The following VPS45 variants were observed in gnomAD, a reference collection of about 807,000 sequenced individuals.
The protein encoded by VPS45 is vacuolar protein sorting-associated protein 45.
VPS45 carries 35 observed loss-of-function variants against 75.9 expected under a neutral mutation model. The ratio of observed to expected loss-of-function variants is 0.46; its 90% CI spans 0.35 to 0.61. The LOEUF (loss-of-function observed/expected upper bound fraction) is 0.61, where lower values mean the gene tolerates loss of function less well. Among genes scored for constraint, VPS45 ranks in the 20% least tolerant of loss-of-function variants. The pLI, the probability that VPS45 is intolerant of heterozygous loss-of-function variation, is 0.00. For synonymous variants in VPS45, 220 were observed against 238.2 expected, an observed-to-expected ratio of 0.92 and a Z score of 0.70; for missense variants, 559 against 685.9, an observed-to-expected ratio of 0.81 and a Z score of 2.07.
Position 150,144,742 on chromosome 1 carries a change from C to T in VPS45, c.1659C>T (p.His553=). Residue 553 remains histidine, a synonymous_variant, in exon 15 of 15, where the codon CAC becomes CAT. Coordinates refer to ENST00000644510, the MANE Select transcript of VPS45 (RefSeq NM_007259.5). ...AGGAAGTTCTGGCTTCTGGACTGCACAGCCGAAGCAAGGAGAGCTCTCAAG... is the reference window on the plus strand; with the variant it reads ...AGGAAGTTCTGGCTTCTGGACTGCATAGCCGAAGCAAGGAGAGCTCTCAAG... The part of the protein sequence containing the change: ...FLEEVLASGL[H]SRSKESSQVT... The T allele has an allele frequency of 6.2e-7, 1 of 1,614,142 alleles. No homozygotes were observed. The highest frequency in any genetic ancestry group is 1.1e-5 in the South Asian group (1 of 91,074).
At chr1:150,092,118 C>A in intron 11 of VPS45, 23 bp downstream of exon 11, 1 of 1,603,330 alleles carries the variant, frequency 6.2e-7, no homozygotes, top group Middle Eastern at 1.7e-4. Flanking sequence ...CATATTAGCC[C>A]ACCAAACAGG....
At position 150,110,522 on chromosome 1, in the gene VPS45, T is replaced by C; in HGVS notation, c.1520T>C (p.Ile507Thr). 1 of 1,613,650 alleles carries C rather than the reference T, an allele frequency of 6.2e-7. No individual in the cohort carries two copies. Among genetic ancestry groups the C allele is most frequent in the South Asian group, 1.1e-5 (1 of 91,036 alleles). ...DRPQDIIVFV[I>T]GGATYEEALT... ...CCTCAGGATATCATTGTGTTTGTAA[T>C]TGGAGGAGCCACCTATGAAGAGGCT... Residue 507 changes from isoleucine (I) to threonine (T), a missense_variant, in exon 14 of 15, where the codon ATT becomes ACT. Physicochemically the swap from Ile to Thr is moderately conservative, Grantham distance 89 (BLOSUM62 -1). Transcript: ENST00000644510.
chr1:150,068,449 G>C, intron 1 of VPS45, 181 bp from the exon 2 acceptor site: 1 of 480,904 alleles, frequency 2.1e-6, no homozygotes, highest in Non-Finnish European at 3.4e-6. Context: ...TCAGCTGAAA[G>C]GATAGAGCGT....
At chr1:150,081,296 T>C (rs1295102372) in intron 7 of VPS45, 46 bp from the exon 8 acceptor site, 20 of 1,552,450 alleles carry the variant, frequency 1.3e-5, no homozygotes, top group Non-Finnish European at 1.6e-5. Flanking sequence ...GTTTACTATT[T>C]CCATATTCTG....
chr1:150,121,028 C>T (rs1228214687), intron 14 of VPS45, among the ~76,000 whole-genome samples: 2 of 151,930 alleles, frequency 1.3e-5, no homozygotes, highest in African/African-American at 2.4e-5. Context: ...CCACCGCGCC[C>T]GGCTAATTTT....
intron 10 of VPS45, among the ~76,000 whole-genome samples, chr1:150,090,084 A>T (rs1448670462): frequency 1.3e-5 from 2 of 152,278 alleles, no homozygotes; most frequent in Non-Finnish European, 2.9e-5. Flanking sequence ...GAGATAATGT[A>T]CGTGAAAGCA....
chr1:150,110,698 T>G, intron 14 of VPS45, 71 bp downstream of exon 14: 6 of 1,451,750 alleles, frequency 4.1e-6, no homozygotes, highest in Non-Finnish European at 5.5e-6. Flanking sequence ...CCCTTTATGT[T>G]GGAAAAATTT....
chr1:150,110,386 C>T lies in VPS45; in HGVS notation c.1494-110C>T. The T allele has an allele frequency of 7.6e-6, 8 of 1,047,642 alleles. No individual in the cohort carries two copies. The East Asian group carries it at 1.1e-4, about 14-fold the overall frequency. 64.9% of individuals were successfully genotyped at this position (1,047,642 alleles called of 1,614,324 possible). ...CCTTTTATTCTATTCTGCTTTAATT[C>T]TGCTTCCTCCACCAAAAAAAAAGAT... On this transcript the variant is annotated intron_variant, in intron 13 of 14. Coordinates refer to ENST00000644510, the MANE Select transcript of VPS45 (RefSeq NM_007259.5).
At chr1:150,099,379 G>A (rs1199083588) in intron 13 of VPS45, among the ~76,000 whole-genome samples, 1 of 151,720 alleles carries the variant, frequency 6.6e-6, no homozygotes, top group Non-Finnish European at 1.5e-5. Context: ...CAGGCACAGT[G>A]GCAGATGCCT....
chr1:150,102,992 C>G (rs1294092269), intron 13 of VPS45, among the ~76,000 whole-genome samples: 3 of 151,982 alleles, frequency 2.0e-5, no homozygotes, highest in Non-Finnish European at 4.4e-5. Flanking sequence ...AACAAACCTT[C>G]ACATGTACCC....
chr1:150,106,826 T>C (rs1372982693), intron 13 of VPS45, among the ~76,000 whole-genome samples: 1 of 152,216 alleles, frequency 6.6e-6, no homozygotes, highest in Non-Finnish European at 1.5e-5. Flanking sequence ...CCACAGTCAC[T>C]GTCTTCTGTT....
At chr1:150,104,692 C>T (rs1553805390) in intron 13 of VPS45, among the ~76,000 whole-genome samples, 1 of 152,088 alleles carries the variant, frequency 6.6e-6, no homozygotes, top group Non-Finnish European at 1.5e-5. Flanking sequence ...ATCTCAGTGC[C>T]CCCTCCCTGC....
Position 150,079,112 on chromosome 1 carries a change from C to CA in VPS45, c.687+1348dup, listed in dbSNP as rs11301300. ...GGCAACGAGAGCGAAACTCTTGTCT[C>CA]AAAAAAAAAAAAAAACACTCAAAAG... On this transcript the variant is annotated intron_variant, in intron 7 of 14. Transcript: ENST00000644510. Among the ~76,000 whole-genome samples, 440 of 135,296 alleles carry CA rather than the reference C, an allele frequency of 3.3e-3. 29 individuals carry two copies. The highest frequency in any genetic ancestry group is 0.015 in the Middle Eastern group (4 of 266). 88.8% of individuals were successfully genotyped at this position (135,296 alleles called of 152,430 possible). A position where few individuals can be genotyped will look rare whatever the true frequency, so the allele number is the denominator to read the frequency against.
chr1:150,106,632 A>C (rs1360638471), intron 13 of VPS45, among the ~76,000 whole-genome samples: 6 of 151,190 alleles, frequency 4.0e-5, no homozygotes, highest in Non-Finnish European at 8.8e-5. Flanking sequence ...TCTTGCTCTC[A>C]CTCTGGCTCT....
intron 13 of VPS45, among the ~76,000 whole-genome samples, chr1:150,098,470 A>T (rs1166910283): frequency 6.6e-6 from 1 of 152,224 alleles, no homozygotes; most frequent in African/African-American, 2.4e-5. Flanking sequence ...AGATTTTTGA[A>T]GTTCATAAAC....
chr1:150,081,562 T>G, intron 8 of VPS45, 86 bp downstream of exon 8: 1 of 1,438,940 alleles, frequency 6.9e-7, no homozygotes, highest in Non-Finnish European at 9.4e-7. Context: ...GGGGCAGGCA[T>G]GGGATTTCAT....
chr1:150,113,966 A>G (rs1433972684), intron 14 of VPS45, among the ~76,000 whole-genome samples: 3 of 152,170 alleles, frequency 2.0e-5, no homozygotes, highest in African/African-American at 7.2e-5. Flanking sequence ...CTCACAAATA[A>G]TATAAGAATA....
chr1:150,137,604 A>G (rs1463152927), intron 14 of VPS45, among the ~76,000 whole-genome samples: 1 of 152,092 alleles, frequency 6.6e-6, no homozygotes, highest in Non-Finnish European at 1.5e-5. Flanking sequence ...CTGTTGTATT[A>G]TTCATAGAAG....
At chr1:150,136,983 C>G (rs1448621147) in intron 14 of VPS45, among the ~76,000 whole-genome samples, 1 of 152,126 alleles carries the variant, frequency 6.6e-6, no homozygotes. Flanking sequence ...ACTGCAGCCT[C>G]CACCTCCCAG....
Sources: allele counts gnomAD v4.1 joint callset (sites outside exome capture counted in the v4.1 genomes callset), GRCh38; gene constraint gnomAD v4.1.1; transcripts MANE v1.5; gene names NCBI Gene and HGNC (gene_info 2026-07-23, HGNC 2026-07-21).